IPO8: variants seen among roughly 807,000 people sequenced by gnomAD.
The protein encoded by IPO8 is importin-8.
In IPO8, 65 loss-of-function variants were observed where a neutral mutation model predicts 141.2. The observed-to-expected ratio is 0.46, with a 90% CI of 0.38 to 0.57. IPO8 has a LOEUF of 0.57. Ranked by LOEUF, IPO8 falls within the 20% of genes least tolerant of loss-of-function variation. The probability of loss-of-function intolerance (pLI) is 0.00; values close to 1 mark genes in which losing one functional copy is unlikely to be tolerated. For missense variants in IPO8, 980 were observed against 1,246.8 expected (o/e 0.79, Z 3.22); for synonymous variants, 411 against 420.3 (o/e 0.98, Z 0.27).
chr12:30,670,086 T>C (rs1565504781), intron 9 of IPO8, among the ~76,000 whole-genome samples: 1 of 152,194 alleles, frequency 6.6e-6, no homozygotes, highest in Admixed American at 6.5e-5. Flanking sequence ...AACTCACCCT[T>C]ACTTTACAGG....
chr12:30,657,547 C>T (rs908606162), intron 16 of IPO8, among the ~76,000 whole-genome samples: 10 of 152,034 alleles, frequency 6.6e-5, no homozygotes, highest in African/African-American at 2.4e-4. Context: ...AGGGATTTAC[C>T]CTTCACACAT....
chr12:30,690,528 G>C lies in IPO8; in HGVS notation c.134C>G (p.Ser45Cys). ...FAPSLLRIIV[S>C]DHVEFPVRQA... ...TCGTACTGGGAATTCCACATGGTCA[G>C]AGACTATAATCCGAAGTAAACTGGG... The change falls in exon 2 of 25, where the codon TCT (serine) becomes TGT (cysteine). Residue 45 changes from serine to cysteine, a missense_variant. Coordinates refer to ENST00000256079, the MANE Select transcript of IPO8 (RefSeq NM_006390.4). 6.3e-7 allele frequency: 1 copy of C among 1,598,676 alleles called. No homozygotes were observed. The highest frequency in any genetic ancestry group is 8.5e-7 in the Non-Finnish European group (1 of 1,173,532).
intron 2 of IPO8, among the ~76,000 whole-genome samples, chr12:30,687,902 T>G (rs1468589243): frequency 6.6e-6 from 1 of 152,116 alleles, no homozygotes; most frequent in Non-Finnish European, 1.5e-5. Flanking sequence ...GCAGGCAAAC[T>G]TATAGAAATC....
At position 30,685,113 on chromosome 12, in the gene IPO8, T is replaced by G. The variant is rs917301416; in HGVS notation, c.167-656A>C. Among the ~76,000 whole-genome samples, 4 of 152,194 alleles carry G rather than the reference T, an allele frequency of 2.6e-5. No individual in the cohort carries two copies. In the East Asian group the frequency reaches 7.7e-4, roughly 29 times the overall value. ...AACAGGCTGACATATTGCTACAGCA[T>G]TTTAAGAAAGAATGTGAAGCTTTTC... On this transcript the variant is annotated intron_variant, in intron 2 of 24. Transcript: ENST00000256079.
intron 21 of IPO8, among the ~76,000 whole-genome samples, chr12:30,637,695 T>G (rs2052521719): frequency 6.6e-6 from 1 of 152,152 alleles, no homozygotes; most frequent in African/African-American, 2.4e-5. Context: ...ACTAAACTCC[T>G]GTGCTATAAA....
At chr12:30,647,049 T>C (rs2052656738) in intron 20 of IPO8, among the ~76,000 whole-genome samples, 1 of 152,110 alleles carries the variant, frequency 6.6e-6, no homozygotes, top group South Asian at 2.1e-4. Context: ...TCAAACCTCC[T>C]GACCTCAAAA....
chr12:30,661,238 C>T lies in IPO8; in HGVS notation c.1784G>A (p.Ser595Asn). 1 of 1,593,870 alleles carries T rather than the reference C, an allele frequency of 6.3e-7. No individual in the cohort carries two copies. Reference protein sequence around the residue: ...LAEIFGKVLQSDEYEEVEDKT... With the variant: ...LAEIFGKVLQNDEYEEVEDKT... ...GTCTTCAACTTCTTCATATTCATCACTTTGAAGAACTTTGCCAAATATCTC... is the reference window on the plus strand; with the variant it reads ...GTCTTCAACTTCTTCATATTCATCATTTTGAAGAACTTTGCCAAATATCTC... The change falls in exon 16 of 25, where the codon AGT (serine) becomes AAT (asparagine). Residue 595 changes from serine to asparagine, a missense_variant. This residue lies in a region of IPO8 where 924 missense variants were observed against 1,153.9 expected (regional missense o/e 0.80). Transcript: ENST00000256079.
chr12:30,676,629 C>T (rs2053124105), intron 5 of IPO8, 42 bp from the exon 6 acceptor site: 1 of 1,407,570 alleles, frequency 7.1e-7, no homozygotes, highest in East Asian at 2.3e-5. Context: ...TTCCTCCCAT[C>T]CAAAAAAATC....
chr12:30,677,202 A>G, intron 5 of IPO8: 1 of 663,216 alleles, frequency 1.5e-6, no homozygotes, highest in South Asian at 1.5e-5. Flanking sequence ...CATGCACCAC[A>G]TAACAAATGT....
intron 16 of IPO8, among the ~76,000 whole-genome samples, chr12:30,658,556 C>T (rs961404286): frequency 6.6e-6 from 1 of 152,040 alleles, no homozygotes; most frequent in Non-Finnish European, 1.5e-5. Context: ...AATTTAATAT[C>T]AAGAGAAAAA....
chr12:30,662,766 T>G (rs182969411), intron 14 of IPO8, among the ~76,000 whole-genome samples: 1 of 152,250 alleles, frequency 6.6e-6, no homozygotes, highest in East Asian at 1.9e-4. Context: ...GAAATTCTAA[T>G]TATACATACA....
intron 16 of IPO8, among the ~76,000 whole-genome samples, chr12:30,656,966 C>A (rs911942404): frequency 6.6e-6 from 1 of 151,736 alleles, no homozygotes; most frequent in Non-Finnish European, 1.5e-5. Flanking sequence ...TATATTAGTT[C>A]CTTACCATAT....
chr12:30,643,987 T>G (rs2052606859), intron 20 of IPO8, among the ~76,000 whole-genome samples: 1 of 152,220 alleles, frequency 6.6e-6, no homozygotes, highest in Non-Finnish European at 1.5e-5. Context: ...TTTACTACCT[T>G]CTTATTTTGT....
intron 20 of IPO8, among the ~76,000 whole-genome samples, chr12:30,641,472 T>C (rs1294212345): frequency 1.3e-5 from 2 of 148,894 alleles, no homozygotes; most frequent in Admixed American, 1.3e-4. Context: ...CCATATCCGT[T>C]ACCAAAAAAT....
chr12:30,641,855 C>T (rs762419115), intron 20 of IPO8, among the ~76,000 whole-genome samples: 18 of 151,974 alleles, frequency 1.2e-4, no homozygotes, highest in Non-Finnish European at 2.1e-4. Flanking sequence ...AGAACAGAAT[C>T]GAGTAGGTTA....
intron 22 of IPO8, among the ~76,000 whole-genome samples, chr12:30,634,535 C>T (rs753804074): frequency 4.1e-4 from 63 of 152,282 alleles, no homozygotes; most frequent in Admixed American, 1.1e-3. Context: ...ATCCTCCTCA[C>T]TGAAAACAAG....
chr12:30,639,421 T>G (rs2052547223), intron 21 of IPO8, 94 bp downstream of exon 21: 10 of 771,004 alleles, frequency 1.3e-5, no homozygotes, highest in Middle Eastern at 3.3e-4. Context: ...TCCTAAGACA[T>G]GAAAATTATC....
intron 6 of IPO8, among the ~76,000 whole-genome samples, 164 bp from the exon 7 acceptor site, chr12:30,674,917 A>G (rs1433893022): frequency 6.6e-6 from 1 of 152,228 alleles, no homozygotes; most frequent in Non-Finnish European, 1.5e-5. Context: ...GGAATTAAAT[A>G]AGCAAAGTAA....
intron 6 of IPO8, 76 bp from the exon 7 acceptor site, chr12:30,674,829 T>C: frequency 2.1e-6 from 2 of 943,508 alleles, no homozygotes; most frequent in South Asian, 2.6e-5. Context: ...GCAAGATAAA[T>C]CTTGATATAG....
Sources: allele counts gnomAD v4.1 joint callset (sites outside exome capture counted in the v4.1 genomes callset), GRCh38; gene constraint gnomAD v4.1.1; regional missense constraint gnomAD v4.1.1; transcripts MANE v1.5; gene names NCBI Gene and HGNC (gene_info 2026-07-23, HGNC 2026-07-21).